Variants in SUPT3H observed in about 807,000 individuals in gnomAD.
SUPT3H encodes the protein transcription initiation protein SPT3 homolog.
Under a neutral mutation model 44.3 loss-of-function variants are expected in SUPT3H, and 44 were observed. The observed-to-expected ratio is 0.99, with a 90% CI of 0.78 to 1.28. The LOEUF (loss-of-function observed/expected upper bound fraction) is 1.28, where lower values mean the gene tolerates loss of function less well. Among genes scored for constraint, SUPT3H ranks in the 50% most tolerant of loss-of-function variants. SUPT3H has a pLI of 0.00. For missense variants in SUPT3H, 380 were observed against 387.1 expected, an observed-to-expected ratio of 0.98 and a Z score of 0.15; for synonymous variants, 124 against 125.6, an observed-to-expected ratio of 0.99 and a Z score of 0.09.
intron 10 of SUPT3H, among the ~76,000 whole-genome samples, chr6:44,850,796 A>ATCTATCTATC (rs1561886352): frequency 1.0e-5 from 1 of 99,192 alleles, no homozygotes; most frequent in African/African-American, 4.0e-5. Context: ...ATCTATCTAT[A>ATCTATCTATC]AATGTACCTT....
chr6:44,941,195 C>A (rs1355455252), intron 9 of SUPT3H, among the ~76,000 whole-genome samples: 1 of 151,998 alleles, frequency 6.6e-6, no homozygotes, highest in African/African-American at 2.4e-5. Context: ...TGATTCATTT[C>A]TCTTCCTTCT....
At chr6:45,163,395 T>C (rs1809352973) in intron 2 of SUPT3H, among the ~76,000 whole-genome samples, 1 of 152,134 alleles carries the variant, frequency 6.6e-6, no homozygotes, top group Admixed American at 6.6e-5. Flanking sequence ...TAATCTTCTA[T>C]CTAATATAGT....
Position 44,831,293 on chromosome 6 carries a change from C to CTT in SUPT3H, c.913-1438_913-1437dup, listed in dbSNP as rs1356203782. ...TCAGTGTTCTTTCTGTGAGCTTGTTCTTTACCATGGGGCTTTTTGTGTTGT... is the reference window on the plus strand; with the variant it reads ...TCAGTGTTCTTTCTGTGAGCTTGTTCTTTTTACCATGGGGCTTTTTGTGTTGT... On this transcript the variant is annotated intron_variant, in intron 10 of 10. Transcript: ENST00000371459. Among the ~76,000 whole-genome samples, 5 of 152,252 alleles carry CTT rather than the reference C, an allele frequency of 3.3e-5. No individual in the cohort carries two copies. In the East Asian group the frequency reaches 9.7e-4, roughly 29 times the overall value.
At chr6:45,205,891 G>T (rs1409808550) in intron 2 of SUPT3H, among the ~76,000 whole-genome samples, 1 of 152,028 alleles carries the variant, frequency 6.6e-6, no homozygotes, top group East Asian at 1.9e-4. Flanking sequence ...TACCAGTTGA[G>T]ATCAGCTCAC....
At chr6:44,881,534 G>A (rs187565972) in intron 10 of SUPT3H, among the ~76,000 whole-genome samples, 92 of 152,154 alleles carry the variant, frequency 6.0e-4, no homozygotes, top group African/African-American at 2.1e-3. Context: ...TGGACCAAGT[G>A]GACCTAATAG....
chr6:45,078,919 G>T (rs1156534184), intron 3 of SUPT3H, among the ~76,000 whole-genome samples: 1 of 152,166 alleles, frequency 6.6e-6, no homozygotes, highest in Non-Finnish European at 1.5e-5. Context: ...GTGCTCCAGA[G>T]AATCTTTTTC....
At chr6:45,359,870 C>T (rs925535369) in intron 2 of SUPT3H, among the ~76,000 whole-genome samples, 48 of 152,136 alleles carry the variant, frequency 3.2e-4, no homozygotes, top group Non-Finnish European at 5.1e-4. Flanking sequence ...ACGACAAAAT[C>T]CTGCCTCTAC....
At chr6:44,990,710 C>T (rs560762020) in intron 6 of SUPT3H, among the ~76,000 whole-genome samples, 2 of 152,188 alleles carry the variant, frequency 1.3e-5, no homozygotes, top group East Asian at 3.9e-4. Context: ...CTTTTTCTTC[C>T]CCTACCTCAT....
At chr6:44,850,939 C>G (rs564500364) in intron 10 of SUPT3H, among the ~76,000 whole-genome samples, 83 of 152,242 alleles carry the variant, frequency 5.5e-4, no homozygotes, top group Non-Finnish European at 8.7e-4. Context: ...CTGGTTTGTT[C>G]AAGATTTGCT....
intron 3 of SUPT3H, among the ~76,000 whole-genome samples, chr6:45,025,441 C>G (rs773873913): frequency 2.1e-4 from 32 of 152,168 alleles, no homozygotes; most frequent in Admixed American, 2.6e-4. Flanking sequence ...TGTTGGCAAT[C>G]CATCTTCCCC....
intron 2 of SUPT3H, among the ~76,000 whole-genome samples, chr6:45,193,748 T>G (rs1260249938): frequency 6.6e-6 from 1 of 152,014 alleles, no homozygotes; most frequent in Non-Finnish European, 1.5e-5. Flanking sequence ...TGTATTCTTG[T>G]TAGCTTTCTT....
At chr6:44,975,970 A>G (rs1380088503) in intron 6 of SUPT3H, among the ~76,000 whole-genome samples, 1 of 152,224 alleles carries the variant, frequency 6.6e-6, no homozygotes, top group Admixed American at 6.5e-5. Flanking sequence ...TTGAGTTAAG[A>G]TTAGAAACAA....
At chr6:45,213,192 A>G (rs1006662920) in intron 2 of SUPT3H, among the ~76,000 whole-genome samples, 4 of 152,216 alleles carry the variant, frequency 2.6e-5, no homozygotes, top group African/African-American at 7.2e-5. Flanking sequence ...CACCACAGGA[A>G]GTGCGCCTGG....
chr6:45,231,017 T>C (rs1298071643), intron 2 of SUPT3H, among the ~76,000 whole-genome samples: 1 of 152,154 alleles, frequency 6.6e-6, no homozygotes, highest in African/African-American at 2.4e-5. Flanking sequence ...CAGGTTATTA[T>C]GGATATGAAA....
chr6:44,832,510 A>G (rs9472376), intron 10 of SUPT3H, among the ~76,000 whole-genome samples: 43,836 of 151,942 alleles, frequency 0.29, 6,654 homozygotes, highest in Admixed American at 0.4. Flanking sequence ...ACTGGATCCT[A>G]CGTGCCTATA....
At chr6:44,908,283 C>T (rs1007870942) in intron 10 of SUPT3H, among the ~76,000 whole-genome samples, 2 of 151,484 alleles carry the variant, frequency 1.3e-5, no homozygotes, top group Admixed American at 6.6e-5. Flanking sequence ...TCCCAAGTAG[C>T]TGGGACTACA....
rs529435536 is a variant in SUPT3H at position 45,282,002 on chromosome 6, C to T, written c.101+83199G>A. On this transcript the variant is annotated intron_variant, in intron 2 of 10. Coordinates refer to ENST00000371459, the MANE Select transcript of SUPT3H (RefSeq NM_003599.4). ...GGGTCTAGAGTGGACATCCAGCAAA[C>T]TCCAACAGACCTGCAGCTGAGGGTC... 3.9e-5 allele frequency among the ~76,000 whole-genome samples: 6 copies of T among 152,282 alleles called. No homozygotes were observed. The South Asian group carries it at 1.0e-3, about 26-fold the overall frequency.
At chr6:44,955,748 G>A (rs1258957306) in intron 7 of SUPT3H, among the ~76,000 whole-genome samples, 1 of 152,106 alleles carries the variant, frequency 6.6e-6, no homozygotes, top group Non-Finnish European at 1.5e-5. Context: ...GGGGGGTGAG[G>A]GATAAAAGAC....
intron 7 of SUPT3H, among the ~76,000 whole-genome samples, chr6:44,958,124 G>T (rs147147035): frequency 1.9e-3 from 292 of 152,276 alleles, no homozygotes; most frequent in African/African-American, 5.3e-3. Flanking sequence ...CTAACAAACA[G>T]AATCCTGAGC....
Sources: gnomAD v4.1 joint callset for allele counts (sites outside exome capture counted in the v4.1 genomes callset) on GRCh38, gnomAD v4.1.1 for gene constraint, MANE v1.5 for transcripts, NCBI Gene and HGNC (gene_info 2026-07-23, HGNC 2026-07-21) for gene names.